FANCB: variants seen among roughly 807,000 people sequenced by gnomAD.
FANCB encodes Fanconi anemia group B protein.
Under a neutral mutation model 38.9 loss-of-function variants are expected in FANCB, and 5 were observed. That is an observed-to-expected ratio of 0.13 (90% CI 0.07 to 0.27). The LOEUF (loss-of-function observed/expected upper bound fraction) is 0.27, where lower values mean the gene tolerates loss of function less well. FANCB is among the 10% of genes least tolerant of loss of function. The pLI, the probability that FANCB is intolerant of heterozygous loss-of-function variation, is 1.00. For synonymous variants in FANCB, 236 were observed against 215.4 expected, an observed-to-expected ratio of 1.10 and a Z score of -0.84; for missense variants, 573 against 602.7, an observed-to-expected ratio of 0.95 and a Z score of 0.52.
chrX:14,816,167 TAAA>T, the FANCB span, among the ~76,000 whole-genome samples: 2 of 111,203 alleles, frequency 1.8e-5, no homozygotes, highest in Non-Finnish European at 3.8e-5. Flanking sequence ...TTTATGTAAA[TAAA>T]AAAGAATTGA....
At chrX:14,744,699 T>TAAAGA in the FANCB span, among the ~76,000 whole-genome samples, 1 of 111,974 alleles carries the variant, frequency 8.9e-6, no homozygotes, top group African/African-American at 3.2e-5. Context: ...TTTCTGAAAA[T>TAAAGA]AGAAGATTAA....
At chrX:14,842,887 G>A (rs1425510585), downstream of FANCB, among the ~76,000 whole-genome samples, 1 of 111,355 alleles carries the variant, frequency 9.0e-6, no homozygotes. Flanking sequence ...TAATTTCAGG[G>A]CAGCTTTGTA....
At chrX:14,742,315 T>C in the FANCB span, among the ~76,000 whole-genome samples, 1 of 111,779 alleles carries the variant, frequency 8.9e-6, no homozygotes, top group African/African-American at 3.3e-5. Flanking sequence ...GTTCCTCTCC[T>C]TTAAGTTATT....
At chrX:14,763,269 A>T in the FANCB span, among the ~76,000 whole-genome samples, 1 of 112,363 alleles carries the variant, frequency 8.9e-6, no homozygotes. Flanking sequence ...CCCAAATGGG[A>T]AACAATCCAG....
At chrX:14,718,849 A>G in the FANCB span, among the ~76,000 whole-genome samples, 1 of 111,852 alleles carries the variant, frequency 8.9e-6, no homozygotes, top group African/African-American at 3.3e-5. Flanking sequence ...TAACATTGGA[A>G]GTCATACAGT....
chrX:14,721,570 A>G, the FANCB span, among the ~76,000 whole-genome samples: 3 of 111,643 alleles, frequency 2.7e-5, no homozygotes, highest in African/African-American at 9.8e-5. Flanking sequence ...TGATCCTTAT[A>G]AGACCTATTG....
chrX:14,808,768 C>G, the FANCB span, among the ~76,000 whole-genome samples: 1 of 112,189 alleles, frequency 8.9e-6, no homozygotes, highest in Non-Finnish European at 1.9e-5. Context: ...AGGAAGAAGT[C>G]AAATTATCCT....
the FANCB span, among the ~76,000 whole-genome samples, chrX:14,810,927 T>G: frequency 2.1e-4 from 23 of 111,812 alleles, no homozygotes; most frequent in Non-Finnish European, 3.9e-4. Flanking sequence ...AAAGGTTGGG[T>G]CACCCACAAA....
At chrX:14,697,723 G>A in the FANCB span, among the ~76,000 whole-genome samples, 2 of 110,999 alleles carry the variant, frequency 1.8e-5, no homozygotes, top group African/African-American at 6.6e-5. Context: ...AATCCATGAA[G>A]CCACCGGGCT....
the FANCB span, among the ~76,000 whole-genome samples, chrX:14,790,612 A>C: frequency 1.8e-5 from 2 of 112,261 alleles, no homozygotes; most frequent in African/African-American, 6.5e-5. Flanking sequence ...AGGTACTACT[A>C]TCATGTTGAG....
At chrX:14,698,301 G>A in the FANCB span, among the ~76,000 whole-genome samples, 1 of 111,376 alleles carries the variant, frequency 9.0e-6, no homozygotes, top group African/African-American at 3.3e-5. Flanking sequence ...CTAGTTTGGG[G>A]CCCACCTAGT....
At chrX:14,736,070 C>T in the FANCB span, among the ~76,000 whole-genome samples, 9 of 111,167 alleles carry the variant, frequency 8.1e-5, no homozygotes, top group African/African-American at 1.6e-4. Flanking sequence ...TCAGTAATGG[C>T]GGACACCCCT....
At chrX:14,846,416 T>C (rs2092377338) in intron 7 of FANCB, among the ~76,000 whole-genome samples, 1 of 111,805 alleles carries the variant, frequency 8.9e-6, no homozygotes, top group Admixed American at 9.5e-5. Context: ...GATTTCTAAA[T>C]TACAAACTAT....
At chrX:14,693,055 AAAG>A in the FANCB span, among the ~76,000 whole-genome samples, 421 of 71,400 alleles carry the variant, frequency 5.9e-3, 4 homozygotes, top group African/African-American at 0.017. Flanking sequence ...CAAAAAAAAA[AAAG>A]AAAGAGGGAA....
the FANCB span, among the ~76,000 whole-genome samples, chrX:14,749,762 A>G: frequency 2.7e-5 from 3 of 111,724 alleles, no homozygotes; most frequent in Non-Finnish European, 5.6e-5. Context: ...ACAAGTCTGG[A>G]TTCTAGTCTA....
chrX:14,837,286 C>T (rs1047348492), intron 10 of FANCB, among the ~76,000 whole-genome samples: 2 of 112,290 alleles, frequency 1.8e-5, no homozygotes, highest in African/African-American at 6.5e-5. Flanking sequence ...TCAACTGCAG[C>T]GATCACCAGC....
At chrX:14,829,702 C>T in the FANCB span, among the ~76,000 whole-genome samples, 1 of 111,811 alleles carries the variant, frequency 8.9e-6, no homozygotes, top group Non-Finnish European at 1.9e-5. Context: ...TCCCTCACCT[C>T]TCTCAGCTCT....
chrX:14,703,889 G>A, the FANCB span, among the ~76,000 whole-genome samples: 18 of 111,583 alleles, frequency 1.6e-4, no homozygotes, highest in African/African-American at 5.9e-4. Flanking sequence ...TCCTTTCCTT[G>A]TCCTACACTT....
At chrX:14,744,600 C>T in the FANCB span, among the ~76,000 whole-genome samples, 2 of 96,219 alleles carry the variant, frequency 2.1e-5, no homozygotes, top group Admixed American at 2.2e-4. Context: ...AAAAGGCTTG[C>T]CTTCCCTTTC....
Sources: allele counts gnomAD v4.1 joint callset (sites outside exome capture counted in the v4.1 genomes callset), GRCh38; gene constraint gnomAD v4.1.1; transcripts MANE v1.5; gene names NCBI Gene and HGNC (gene_info 2026-07-23, HGNC 2026-07-21).